The following KCNT1 variants were observed in gnomAD, a reference collection of about 807,000 sequenced individuals.
KCNT1 encodes potassium sodium-activated channel subfamily T member 1, also known as potassium channel subfamily T member 1.
In KCNT1, 78 loss-of-function variants were observed where a neutral mutation model predicts 147.8. The observed-to-expected ratio is 0.53, with a 90% CI of 0.44 to 0.64. The LOEUF (loss-of-function observed/expected upper bound fraction) is 0.64. KCNT1 is among the 30% of genes least tolerant of loss of function. KCNT1 has a pLI of 0.00. For synonymous variants in KCNT1, 867 were observed against 748.8 expected (o/e 1.16, Z -2.58); for missense variants, 1,419 against 1,750.3 (o/e 0.81, Z 3.38).
intron 2 of KCNT1, among the ~76,000 whole-genome samples, chr9:135,717,026 G>A (rs1588258449): frequency 6.6e-6 from 1 of 151,964 alleles, no homozygotes; most frequent in East Asian, 1.9e-4. Context: ...TAGGACGGGA[G>A]GGGACCTGGC....
Position 135,792,137 on chromosome 9 carries a change from G to C in KCNT1, c.3684G>C (p.Glu1228Asp). ...ACAAGCTGTCGTCCTGCAACCCCGA[G>C]ACTCGCGACGAGACACAGCTCTGAG... Reference protein sequence around the residue: ...CSHKLSSCNPETRDETQL With the variant: ...CSHKLSSCNPDTRDETQL The change falls in exon 31 of 31, where the codon GAG becomes GAC. Residue 1228 changes from glutamate (E) to aspartate (D), a missense_variant. Glu to Asp is a conservative substitution (Grantham distance 45). Coordinates refer to ENST00000371757, the MANE Select transcript of KCNT1 (RefSeq NM_020822.3). 1 of 1,605,920 alleles carries C rather than the reference G, an allele frequency of 6.2e-7. No individual in the cohort carries two copies.
Position 135,759,691 on chromosome 9 carries a change from C to T in KCNT1, c.867C>T (p.Ile289=), listed in dbSNP as rs761045901. The change falls in exon 11 of 31, where the codon ATC becomes ATT. Residue 289 remains isoleucine (I), a synonymous_variant. Coordinates refer to ENST00000371757, the MANE Select transcript of KCNT1 (RefSeq NM_020822.3). Reference sequence around the variant, plus strand: ...CCAGGGGTTGCAGGACCTGCGGCATCCAGCACCTGGAGCGGGCGGGCGAGA... The same window carrying T: ...CCAGGGGTTGCAGGACCTGCGGCATTCAGCACCTGGAGCGGGCGGGCGAGA... ...LCLVFTGTCG[I]QHLERAGENL... 6.2e-7 allele frequency: 1 copy of T among 1,608,080 alleles called. No homozygotes were observed. Among genetic ancestry groups the T allele is most frequent in the Non-Finnish European group, 8.5e-7 (1 of 1,176,572 alleles).
intron 1 of KCNT1, chr9:135,703,226 A>T (rs1179238249): frequency 1.3e-5 from 2 of 151,980 alleles, no homozygotes; most frequent in Non-Finnish European, 1.5e-5. Context: ...CCTTGGGCGA[A>T]CCCCTCCCCA....
chr9:135,750,806 G>GCT, intron 3 of KCNT1, 136 bp from the exon 4 acceptor site: 2 of 746,814 alleles, frequency 2.7e-6, no homozygotes, highest in Non-Finnish European at 4.6e-6. Context: ...GGCACACAGA[G>GCT]CTCTGCGTGC....
chr9:135,737,036 G>A (rs1279110087), intron 2 of KCNT1: 7 of 244,574 alleles, frequency 2.9e-5, no homozygotes, highest in East Asian at 7.1e-5. Flanking sequence ...TGCAGGGGAG[G>A]GAGGAAGTGG....
chr9:135,727,933 G>C (rs1314583171), intron 2 of KCNT1, among the ~76,000 whole-genome samples: 2 of 152,258 alleles, frequency 1.3e-5, no homozygotes, highest in African/African-American at 4.8e-5. Flanking sequence ...CAGTGGGGAG[G>C]CCATCCTGGC....
rs1469080789 is a variant in KCNT1 at position 135,793,343 on chromosome 9, C to A, written c.*1182C>A. On this transcript the variant is annotated 3_prime_UTR_variant, in exon 31 of 31. Coordinates refer to ENST00000371757, the MANE Select transcript of KCNT1 (RefSeq NM_020822.3). ...GCTACTGGTGACTGGATCCTGGTAGCCAGGAAACCTGCCTGGTGGTGGGGG... is the reference window on the plus strand; with the variant it reads ...GCTACTGGTGACTGGATCCTGGTAGACAGGAAACCTGCCTGGTGGTGGGGG... 2.0e-5 allele frequency: 3 copies of A among 152,228 alleles called. No homozygotes were observed. The highest frequency in any genetic ancestry group is 4.4e-5 in the Non-Finnish European group (3 of 68,072). 9.4% of individuals were successfully genotyped at this position (152,228 alleles called of 1,614,324 possible).
At chr9:135,785,878 G>A (rs1173588361) in intron 28 of KCNT1, 2 of 477,218 alleles carry the variant, frequency 4.2e-6, no homozygotes, top group East Asian at 8.1e-5. Context: ...ATGGGTCCCA[G>A]GCCGGACCCA....
intron 10 of KCNT1, among the ~76,000 whole-genome samples, chr9:135,759,329 A>G (rs796810116): frequency 7.9e-5 from 12 of 152,124 alleles, no homozygotes; most frequent in African/African-American, 2.9e-4. Flanking sequence ...CACGCTGATG[A>G]CACAGCCCTG....
intron 1 of KCNT1, chr9:135,703,060 C>T (rs544545347): frequency 5.0e-4 from 76 of 152,544 alleles, no homozygotes; most frequent in African/African-American, 1.7e-3. Context: ...AGGCACGGAC[C>T]GGCAGCTGAG....
chr9:135,702,721 G>A (rs111619382), intron 1 of KCNT1, among the ~76,000 whole-genome samples: 1 of 152,032 alleles, frequency 6.6e-6, no homozygotes, highest in African/African-American at 2.4e-5. Flanking sequence ...CCCAGCCCCT[G>A]CCCCACCCCA....
intron 3 of KCNT1, chr9:135,750,594 C>A (rs1046726452): frequency 1.7e-5 from 8 of 464,208 alleles, no homozygotes; most frequent in South Asian, 1.6e-4. Context: ...ATGCTCCCCC[C>A]GGGATTGCAG....
chr9:135,774,577 T>G (rs973719975), intron 19 of KCNT1, among the ~76,000 whole-genome samples: 96 of 151,394 alleles, frequency 6.3e-4, no homozygotes, highest in Non-Finnish European at 1.1e-3. Flanking sequence ...TGTCTGTGTG[T>G]TGTGTGTCCA....
In KCNT1 at chr9:135,752,603, GGATGGTTGGATGGATGGTGGAT is replaced by G. The variant is rs1308536778; in HGVS notation, c.435-1328_435-1307del. The stretch of plus-strand genomic sequence containing the variant: ...GTGGGAAGATGGGTGGATGATGGAT[GGATGGTTGGATGGATGGTGGAT>G]GATGGATGGATGGACGGACGGACGG... On this transcript the variant is annotated intron_variant, in intron 4 of 30. Transcript: ENST00000371757. This position sits in a 1 kb window ranked among gnomAD's most constrained non-coding sequence, Gnocchi z 5.1. The G allele has an allele frequency of 2.8e-6, 1 of 352,712 alleles. No homozygotes were observed. The highest frequency in any genetic ancestry group is 2.1e-5 in the African/African-American group (1 of 46,566). The allele number at this position is 352,712 out of a possible 1,614,324, so 21.8% of individuals were successfully genotyped here.
rs775807509 is a variant in KCNT1 at position 135,702,331 on chromosome 9, C to T, written c.73C>T (p.Arg25Trp). 7 of 1,611,586 alleles carry T rather than the reference C, an allele frequency of 4.3e-6. No homozygotes were observed. In the East Asian group the frequency reaches 1.1e-4, roughly 26 times the overall value. Residue 25 changes from arginine to tryptophan, a missense_variant, in exon 1 of 31, where the codon CGG becomes TGG. Physicochemically the swap from Arg to Trp is moderately radical, Grantham distance 101. Around this residue, in one of 5 missense-constraint regions of KCNT1, gnomAD observed 181 missense variants for 155.7 expected, o/e 1.16. Transcript: ENST00000371757. Reference protein sequence around the residue: ...REARGGGYTNRTFEFDDGQCA... With the variant: ...REARGGGYTNWTFEFDDGQCA... Reference sequence around the variant, plus strand: ...GGCGCGCGGCGGGGGCTACACCAACCGGACCTTCGAGTTTGACGACGGCCA... The same window carrying T: ...GGCGCGCGGCGGGGGCTACACCAACTGGACCTTCGAGTTTGACGACGGCCA...
chr9:135,752,451 T>C lies in KCNT1; in HGVS notation c.434+1410T>C. On this transcript the variant is annotated intron_variant, in intron 4 of 30. Transcript: ENST00000371757. This position sits in a 1 kb window ranked among gnomAD's most constrained non-coding sequence, Gnocchi z 5.1. Reference sequence around the variant, plus strand: ...GGCCCTGACTGACTCTCAAGCTACTTTCCTAGGTCACTCCCCACCCCAAGT... The same window carrying C: ...GGCCCTGACTGACTCTCAAGCTACTCTCCTAGGTCACTCCCCACCCCAAGT... The C allele has an allele frequency of 2.2e-6, 1 of 456,392 alleles. No homozygotes were observed. The highest frequency in any genetic ancestry group is 4.4e-6 in the Non-Finnish European group (1 of 226,886). 28.3% of individuals were successfully genotyped at this position (456,392 alleles called of 1,614,324 possible). A position where few individuals can be genotyped will look rare whatever the true frequency, so the allele number is the denominator to read the frequency against.
intron 19 of KCNT1, among the ~76,000 whole-genome samples, chr9:135,773,201 C>T (rs1425552686): frequency 6.6e-6 from 1 of 152,170 alleles, no homozygotes; most frequent in Non-Finnish European, 1.5e-5. Flanking sequence ...ACACCCTTTC[C>T]AGTTGGGGCT....
rs1377008099 is a variant in KCNT1 at position 135,714,992 on chromosome 9, G to T, written c.254+272G>T. 1.3e-5 allele frequency among the ~76,000 whole-genome samples: 2 copies of T among 152,230 alleles called. No homozygotes were observed. Among genetic ancestry groups the T allele is most frequent in the Non-Finnish European group, 2.9e-5 (2 of 68,030 alleles). On this transcript the variant is annotated intron_variant, in intron 2 of 30. Transcript: ENST00000371757. This position sits in a 1 kb window ranked among gnomAD's most constrained non-coding sequence, Gnocchi z 6.2. ...ACTTGGGGCGCGGAGGCGGAGGGCG[G>T]CCTGGCCTTCCGGTGTCTGCTCCCA...
chr9:135,720,484 T>C (rs1269513737), intron 2 of KCNT1, among the ~76,000 whole-genome samples: 1 of 152,032 alleles, frequency 6.6e-6, no homozygotes, highest in Non-Finnish European at 1.5e-5. Flanking sequence ...ATAAGTGCCC[T>C]CCTCCTGCCC....
Sources: allele counts gnomAD v4.1 joint callset (sites outside exome capture counted in the v4.1 genomes callset), GRCh38; gene constraint gnomAD v4.1.1; regional missense constraint gnomAD v4.1.1; non-coding constraint Gnocchi (gnomAD v3.1); transcripts MANE v1.5; gene names NCBI Gene and HGNC (gene_info 2026-07-23, HGNC 2026-07-21).